The following PPP2R2C variants were observed in gnomAD, a reference collection of about 807,000 sequenced individuals.
The protein encoded by PPP2R2C is protein phosphatase 2, regulatory subunit B, gamma.
PPP2R2C carries 10 observed loss-of-function variants against 45.3 expected under a neutral mutation model. That is an observed-to-expected ratio of 0.22 (90% confidence interval 0.14 to 0.37). PPP2R2C has a LOEUF of 0.37. PPP2R2C is among the 10% of genes least tolerant of loss of function. The pLI is 1.00. For synonymous variants in PPP2R2C, 257 were observed against 245.4 expected (o/e 1.05, Z -0.44); for missense variants, 308 against 619.7 (o/e 0.50, Z 5.34).
intron 1 of PPP2R2C, among the ~76,000 whole-genome samples, chr4:6,416,286 A>G (rs749856527): frequency 2.7e-5 from 4 of 150,524 alleles, no homozygotes; most frequent in Non-Finnish European, 5.9e-5. Flanking sequence ...TCCCCATTTT[A>G]CAACAGAGAA....
rs962673630 is a variant in PPP2R2C at position 6,471,049 on chromosome 4, G to C, written c.70+1111C>G. ...CGGCAGAGCCAGGCTTCGAGGAGGC[G>C]GACCCAGCCGCAGGAGCCCGGTCTC... On this transcript the variant is annotated intron_variant, in intron 1 of 8. Coordinates refer to ENST00000382599, the MANE Select transcript of PPP2R2C (RefSeq NM_020416.4). This position sits in a 1 kb window ranked among gnomAD's most constrained non-coding sequence, Gnocchi z 5.6. 6.6e-6 allele frequency among the ~76,000 whole-genome samples: 1 copy of C among 152,106 alleles called. No homozygotes were observed. Among genetic ancestry groups the C allele is most frequent in the African/African-American group, 2.4e-5 (1 of 41,450 alleles).
At chr4:6,382,559 C>G in intron 1 of PPP2R2C, 1 of 1,334,566 alleles carries the variant, frequency 7.5e-7, no homozygotes, top group Non-Finnish European at 9.9e-7. Flanking sequence ...TGCAGCTTCC[C>G]CAGTCTCAGG....
chr4:6,464,519 A>G (rs1055630459), intron 1 of PPP2R2C, among the ~76,000 whole-genome samples: 1 of 152,228 alleles, frequency 6.6e-6, no homozygotes, highest in Non-Finnish European at 1.5e-5. Context: ...ACCCTGGCAC[A>G]TAACAGGGAT....
rs368451548 is a variant in PPP2R2C, at chr4:6,330,199, C to T, written c.961-846G>A. Among the ~76,000 whole-genome samples, 5 of 152,320 alleles carry T rather than the reference C, an allele frequency of 3.3e-5. No homozygotes were observed. The highest frequency in any genetic ancestry group is 4.1e-4 in the South Asian group (2 of 4,826). ...TGTACCCGGAGGGCCGCATGAGTGCCAGCCCTCTGCTGAGGCTGGAGCTGC... is the reference window on the plus strand; with the variant it reads ...TGTACCCGGAGGGCCGCATGAGTGCTAGCCCTCTGCTGAGGCTGGAGCTGC... On this transcript the variant is annotated intron_variant, in intron 7 of 8. Transcript: ENST00000382599. This position sits in a 1 kb window ranked among gnomAD's most constrained non-coding sequence, Gnocchi z 7.0.
In PPP2R2C at chr4:6,384,308, C is replaced by T. The variant is rs187330858; in HGVS notation, c.71-3214G>A. The stretch of plus-strand genomic sequence containing the variant: ...GGTATAAAATGCTTGTAATGATCTA[C>T]ATCAGTGATTATAGCCATGTGAAAT... On this transcript the variant is annotated intron_variant, in intron 1 of 8. Transcript: ENST00000382599. 55 of 985,394 alleles carry T rather than the reference C, an allele frequency of 5.6e-5. No individual in the cohort carries two copies. The East Asian group carries it at 4.2e-3, about 75-fold the overall frequency. 61.0% of individuals were successfully genotyped at this position (985,394 alleles called of 1,614,324 possible).
intron 1 of PPP2R2C, among the ~76,000 whole-genome samples, chr4:6,548,044 C>A (rs1725051626): frequency 6.6e-6 from 1 of 151,998 alleles, no homozygotes; most frequent in African/African-American, 2.4e-5. Context: ...GTGGTGAAAC[C>A]CCATCTCTAT....
chr4:6,553,551 C>T (rs1725256371), intron 1 of PPP2R2C, among the ~76,000 whole-genome samples: 1 of 152,206 alleles, frequency 6.6e-6, no homozygotes, highest in African/African-American at 2.4e-5. Flanking sequence ...AGGTAGCCTT[C>T]ATTCAAGGTG....
At chr4:6,366,595 G>A (rs948694443) in intron 5 of PPP2R2C, among the ~76,000 whole-genome samples, 2 of 152,210 alleles carry the variant, frequency 1.3e-5, no homozygotes, top group Admixed American at 1.3e-4. Context: ...CGCAGGCTTA[G>A]AGGGGCTCTG....
intron 2 of PPP2R2C, among the ~76,000 whole-genome samples, chr4:6,510,989 AC>A (rs1292811553): frequency 0.023 from 1,526 of 65,140 alleles, 45 homozygotes; most frequent in Middle Eastern, 0.077. Flanking sequence ...ACAAAAAAAA[AC>A]AAACAAACAA....
chr4:6,424,620 C>G (rs1719183123), intron 1 of PPP2R2C, among the ~76,000 whole-genome samples: 1 of 152,198 alleles, frequency 6.6e-6, no homozygotes. Context: ...CAGCCAATGC[C>G]TCCTCCAGAG....
At chr4:6,427,098 A>T (rs1051883956) in intron 1 of PPP2R2C, among the ~76,000 whole-genome samples, 2 of 152,232 alleles carry the variant, frequency 1.3e-5, no homozygotes, top group African/African-American at 4.8e-5. Context: ...AATGTGTACC[A>T]AGGGGAGCAA....
chr4:6,441,246 C>G (rs1305014394), intron 1 of PPP2R2C, among the ~76,000 whole-genome samples: 1 of 152,146 alleles, frequency 6.6e-6, no homozygotes, highest in African/African-American at 2.4e-5. Context: ...TAGGGAATCT[C>G]AACATTGCTA....
intron 1 of PPP2R2C, chr4:6,420,869 T>C: frequency 4.4e-6 from 4 of 911,078 alleles, no homozygotes; most frequent in Non-Finnish European, 5.3e-6. Context: ...GCACACACAC[T>C]TGTTGGATGT....
rs1714558061 is a variant in PPP2R2C, at chr4:6,368,771, G to A, written c.625+3752C>T. On this transcript the variant is annotated intron_variant, in intron 5 of 8. Coordinates refer to ENST00000382599, the MANE Select transcript of PPP2R2C (RefSeq NM_020416.4). The surrounding 1 kb of genome is among the most constrained non-coding windows in gnomAD (Gnocchi z 4.2). ...CCTGCCTCTCACTCTCTCTCCCCGG[G>A]TCTCCTTGCTGGTTCCCAAGCCGCC... is the stretch of plus-strand genomic sequence containing the variant. 6.6e-6 allele frequency among the ~76,000 whole-genome samples: 1 copy of A among 151,946 alleles called. No homozygotes were observed. Among genetic ancestry groups the A allele is most frequent in the Admixed American group, 6.6e-5 (1 of 15,244 alleles).
At chr4:6,557,553 A>G (rs1171362447) in intron 1 of PPP2R2C, among the ~76,000 whole-genome samples, 2 of 152,196 alleles carry the variant, frequency 1.3e-5, no homozygotes, top group African/African-American at 4.8e-5. Flanking sequence ...CTGGGTTAGC[A>G]CCAGGAGCAG....
chr4:6,472,034 G>C, intron 1 of PPP2R2C, 126 bp downstream of exon 1: 1 of 1,103,478 alleles, frequency 9.1e-7, no homozygotes, highest in East Asian at 2.8e-5. Context: ...GTGGGATGGG[G>C]TGGGGTGGGG....
In PPP2R2C at chr4:6,364,695, A is replaced by G. The variant is rs1456356403; in HGVS notation, c.625+7828T>C. Among the ~76,000 whole-genome samples the G allele has an allele frequency of 1.3e-5, 2 of 151,976 alleles. No individual in the cohort carries two copies. The highest frequency in any genetic ancestry group is 4.8e-5 in the African/African-American group (2 of 41,350). On this transcript the variant is annotated intron_variant, in intron 5 of 8. Transcript: ENST00000382599. The surrounding 1 kb of genome is among the most constrained non-coding windows in gnomAD (Gnocchi z 5.3). Reference sequence around the variant, plus strand: ...CAGGTGAGGAGCTGAGGCACAGAGAACCCAAGTGAGCTGCCCGAGGCCGCG... The same window carrying G: ...CAGGTGAGGAGCTGAGGCACAGAGAGCCCAAGTGAGCTGCCCGAGGCCGCG...
chr4:6,501,233 A>G (rs1280913044), intron 2 of PPP2R2C, among the ~76,000 whole-genome samples: 2 of 152,210 alleles, frequency 1.3e-5, no homozygotes, highest in Non-Finnish European at 1.5e-5. Flanking sequence ...TGTAATTGGC[A>G]GACACTGGAA....
At chr4:6,418,712 C>T (rs975169519) in intron 1 of PPP2R2C, among the ~76,000 whole-genome samples, 3 of 152,230 alleles carry the variant, frequency 2.0e-5, no homozygotes, top group African/African-American at 7.2e-5. Context: ...AATGGTGTGT[C>T]ATGGAAGTCA....
Sources: allele counts gnomAD v4.1 joint callset (sites outside exome capture counted in the v4.1 genomes callset), GRCh38; gene constraint gnomAD v4.1.1; non-coding constraint Gnocchi (gnomAD v3.1); transcripts MANE v1.5; gene names NCBI Gene and HGNC (gene_info 2026-07-23, HGNC 2026-07-21).